The following DEK variants were observed in gnomAD, a reference collection of about 807,000 sequenced individuals.
DEK encodes the protein protein DEK.
In DEK, 28 loss-of-function variants were observed where a neutral mutation model predicts 46.8. The ratio of observed to expected loss-of-function variants is 0.60; its 90% CI spans 0.44 to 0.82. The LOEUF is 0.82. Ranked by LOEUF, DEK falls within the 40% of genes least tolerant of loss-of-function variation. The pLI is 0.00. For synonymous variants in DEK, 160 were observed against 144.5 expected, an observed-to-expected ratio of 1.11 and a Z score of -0.77; for missense variants, 416 against 430.6, an observed-to-expected ratio of 0.97 and a Z score of 0.30.
intron 9 of DEK, among the ~76,000 whole-genome samples, chr6:18,231,155 G>A (rs1273894878): frequency 2.0e-5 from 3 of 152,034 alleles, no homozygotes. Context: ...AAATAAAGAT[G>A]TTCTTTGAAA....
At position 18,253,816 on chromosome 6, in the gene DEK, C is replaced by G. The variant is rs1274214877; in HGVS notation, c.573+1915G>C. The stretch of plus-strand genomic sequence containing the variant: ...CACTGCAGCACTGACCTCCTGAGTT[C>G]AGGCTTCCACCTCAGCCTCCCAAGT... On this transcript the variant is annotated intron_variant, in intron 6 of 10. Transcript: ENST00000652689. 2.0e-5 allele frequency among the ~76,000 whole-genome samples: 3 copies of G among 152,036 alleles called. No homozygotes were observed. The East Asian group carries it at 5.9e-4, about 30-fold the overall frequency.
intron 9 of DEK, among the ~76,000 whole-genome samples, chr6:18,232,814 A>G (rs1790467651): frequency 6.6e-6 from 1 of 152,216 alleles, no homozygotes; most frequent in Admixed American, 6.5e-5. Flanking sequence ...ATCCCCATCA[A>G]GCTACCAATC....
chr6:18,235,005 G>T (rs1487454460), intron 9 of DEK, among the ~76,000 whole-genome samples: 1 of 152,112 alleles, frequency 6.6e-6, no homozygotes, highest in Non-Finnish European at 1.5e-5. Context: ...AAATTTACAT[G>T]AAGGTATTCA....
chr6:18,248,951 A>G (rs1791241954), intron 7 of DEK, among the ~76,000 whole-genome samples: 1 of 152,152 alleles, frequency 6.6e-6, no homozygotes, highest in African/African-American at 2.4e-5. Flanking sequence ...GAAAACATCA[A>G]AGTTAAAATA....
chr6:18,258,068 G>GA lies in DEK; in HGVS notation c.248-7dup, dbSNP rs749024423. The GA allele has an allele frequency of 0.029, 33,562 of 1,168,178 alleles. 1 individual carries two copies. The highest frequency in any genetic ancestry group is 0.044 in the South Asian group (2,508 of 57,212). 72.4% of individuals were successfully genotyped at this position (1,168,178 alleles called of 1,614,324 possible). Reference sequence around the variant, plus strand: ...ACAAAGTTTCTGCCCCTTTCCTGGGGAAAAAAAAAAATCACAATTAAATAC... The same window carrying GA: ...ACAAAGTTTCTGCCCCTTTCCTGGGGAAAAAAAAAAAATCACAATTAAATAC... On this transcript the variant is annotated splice_region_variant and splice_polypyrimidine_tract_variant and intron_variant, in intron 3 of 10. Coordinates refer to ENST00000652689, the MANE Select transcript of DEK (RefSeq NM_003472.4).
intron 9 of DEK, among the ~76,000 whole-genome samples, chr6:18,232,276 G>A (rs1337544827): frequency 6.6e-6 from 1 of 152,050 alleles, no homozygotes; most frequent in Non-Finnish European, 1.5e-5. Flanking sequence ...GGCAAAAACT[G>A]GAATCATTCC....
intron 8 of DEK, 165 bp downstream of exon 8, chr6:18,237,216 T>C: frequency 1.3e-6 from 1 of 764,952 alleles, no homozygotes; most frequent in Non-Finnish European, 1.9e-6. Flanking sequence ...TCTGAATCAC[T>C]TCCTGTCCCA....
At chr6:18,264,118 A>C in intron 1 of DEK, 122 bp from the exon 2 acceptor site, 2 of 881,840 alleles carry the variant, frequency 2.3e-6, no homozygotes, top group Non-Finnish European at 1.6e-6. Flanking sequence ...GCCTCCTCCC[A>C]TAGCCGGGAC....
Position 18,225,258 on chromosome 6 carries a change from C to T in DEK, c.*461G>A, listed in dbSNP as rs1489330699. ...GCTTGTATATTTTTAATATGATGGACACACTGCCGCTGAATTTTCACACTG... is the reference window on the plus strand; with the variant it reads ...GCTTGTATATTTTTAATATGATGGATACACTGCCGCTGAATTTTCACACTG... On this transcript the variant is annotated 3_prime_UTR_variant, in exon 11 of 11. Transcript: ENST00000652689. 4.3e-6 allele frequency: 1 copy of T among 230,648 alleles called. No individual in the cohort carries two copies. The highest frequency in any genetic ancestry group is 8.6e-6 in the Non-Finnish European group (1 of 116,740). The allele number at this position is 230,648 out of a possible 1,614,324, so 14.3% of individuals were successfully genotyped here. A position where few individuals can be genotyped will look rare whatever the true frequency, so the allele number is the denominator to read the frequency against.
At chr6:18,258,502 T>C in intron 2 of DEK, 97 bp from the exon 3 acceptor site, 3 of 790,598 alleles carry the variant, frequency 3.8e-6, no homozygotes, top group Non-Finnish European at 5.9e-6. Flanking sequence ...CAAAACCTAA[T>C]ACTTTATTCT....
Position 18,254,203 on chromosome 6 carries a change from C to T in DEK, c.573+1528G>A, listed in dbSNP as rs200272207. 2.0e-5 allele frequency among the ~76,000 whole-genome samples: 3 copies of T among 152,010 alleles called. No individual in the cohort carries two copies. In the East Asian group the frequency reaches 5.9e-4, roughly 30 times the overall value. The stretch of plus-strand genomic sequence containing the variant: ...AAAATTAGCCAGGTATGGTGGCACA[C>T]GCCTATAATCCCAGCTACTGTAGAG... On this transcript the variant is annotated intron_variant, in intron 6 of 10. Coordinates refer to ENST00000652689, the MANE Select transcript of DEK (RefSeq NM_003472.4).
intron 7 of DEK, among the ~76,000 whole-genome samples, chr6:18,246,228 T>A (rs1408937195): frequency 6.6e-6 from 1 of 152,116 alleles, no homozygotes; most frequent in Non-Finnish European, 1.5e-5. Flanking sequence ...CTATTTCTCA[T>A]CAAAAGAAAA....
chr6:18,238,542 C>G (rs1790765249), intron 7 of DEK, among the ~76,000 whole-genome samples: 2 of 151,686 alleles, frequency 1.3e-5, no homozygotes, highest in Admixed American at 1.3e-4. Flanking sequence ...CCTAAAAATA[C>G]AAAAATTAGC....
At chr6:18,257,496 G>C (rs1791649490) in intron 4 of DEK, among the ~76,000 whole-genome samples, 1 of 152,182 alleles carries the variant, frequency 6.6e-6, no homozygotes, top group South Asian at 2.1e-4. Flanking sequence ...AGGACCACTT[G>C]AGCTCAGGAG....
At chr6:18,246,533 C>T (rs964128936) in intron 7 of DEK, among the ~76,000 whole-genome samples, 2 of 152,192 alleles carry the variant, frequency 1.3e-5, no homozygotes, top group African/African-American at 4.8e-5. Context: ...CTGACATTTT[C>T]TTTTAAATTA....
rs562280955 is a variant in DEK, at chr6:18,248,281, G to A, written c.762+1370C>T. On this transcript the variant is annotated intron_variant, in intron 7 of 10. Transcript: ENST00000652689. Reference sequence around the variant, plus strand: ...CTCAGTTTCCAGAGCCCATGCTAACGTCTCTATGAAAAAATTAGACATTTA... The same window carrying A: ...CTCAGTTTCCAGAGCCCATGCTAACATCTCTATGAAAAAATTAGACATTTA... 3.9e-5 allele frequency among the ~76,000 whole-genome samples: 6 copies of A among 152,122 alleles called. No individual in the cohort carries two copies. In the South Asian group the frequency reaches 6.2e-4, roughly 16 times the overall value.
chr6:18,236,610 A>G lies in DEK; in HGVS notation c.899-10T>C, dbSNP rs763036833. 5 of 1,401,806 alleles carry G rather than the reference A, an allele frequency of 3.6e-6. No homozygotes were observed. The highest frequency in any genetic ancestry group is 4.7e-6 in the Non-Finnish European group (5 of 1,055,370). 86.8% of individuals were successfully genotyped at this position (1,401,806 alleles called of 1,614,324 possible). ...TCCTCAGACTCACTTTCTAAAAGTAATATAATAATAATAATTTTTCTTACA... is the reference window on the plus strand; with the variant it reads ...TCCTCAGACTCACTTTCTAAAAGTAGTATAATAATAATAATTTTTCTTACA... On this transcript the variant is annotated splice_polypyrimidine_tract_variant and intron_variant, in intron 8 of 10. Coordinates refer to ENST00000652689, the MANE Select transcript of DEK (RefSeq NM_003472.4).
chr6:18,257,182 C>CTTTGTATGAGA (rs758714673), intron 4 of DEK, among the ~76,000 whole-genome samples: 1 of 152,128 alleles, frequency 6.6e-6, no homozygotes, highest in African/African-American at 2.4e-5. Flanking sequence ...ACCAAATTCA[C>CTTTGTATGAGA]TTTGTATGAG....
chr6:18,259,415 A>AT (rs1791749044), intron 2 of DEK, among the ~76,000 whole-genome samples: 3 of 117,574 alleles, frequency 2.6e-5, no homozygotes, highest in Non-Finnish European at 5.1e-5. Flanking sequence ...AAAAAAAAAA[A>AT]AAAAAAAAAA....
Sources: gnomAD v4.1 joint callset for allele counts (sites outside exome capture counted in the v4.1 genomes callset) on GRCh38, gnomAD v4.1.1 for gene constraint, MANE v1.5 for transcripts, NCBI Gene and HGNC (gene_info 2026-07-23, HGNC 2026-07-21) for gene names.